ZNF117: variants seen among roughly 807,000 people sequenced by gnomAD.
The protein encoded by ZNF117 is zinc finger protein 117, also known as Krueppel-related zinc finger protein.
In ZNF117, 37 loss-of-function variants were observed where a neutral mutation model predicts 41.2. The observed-to-expected ratio is 0.90, with a 90% confidence interval of 0.69 to 1.18. The LOEUF is 1.18. Among genes scored for constraint, ZNF117 ranks in the 50% most tolerant of loss-of-function variants. The probability of loss-of-function intolerance (pLI) is 0.00; values close to 1 mark genes in which losing one functional copy is unlikely to be tolerated. For synonymous variants in ZNF117, 186 were observed against 186.6 expected (o/e 1.00, Z 0.02); for missense variants, 546 against 557.5 (o/e 0.98, Z 0.21).
At chr7:64,989,784 G>GAAT (rs1786223023) in intron 1 of ZNF117, among the ~76,000 whole-genome samples, 163 bp downstream of exon 1, 1 of 151,000 alleles carries the variant, frequency 6.6e-6, no homozygotes, top group Admixed American at 6.6e-5. Context: ...AAAAGAAGAA[G>GAAT]AAGAATAAGC....
rs202044123 is a variant in ZNF117, at chr7:64,978,440, A to T, written c.1131T>A (p.Asn377Lys). 665 of 1,613,482 alleles carry T rather than the reference A, an allele frequency of 4.1e-4. No homozygotes were observed. Among genetic ancestry groups the T allele is most frequent in the Non-Finnish European group, 5.2e-4 (608 of 1,179,738 alleles). The change falls in exon 3 of 3, where the codon AAT becomes AAA. Residue 377 changes from asparagine (N) to lysine (K), a missense_variant. Asn to Lys is a moderately conservative substitution (Grantham distance 94). Transcript: ENST00000620222. ...CTCCAGTATGGATTATCTTATGTGTATTAAGGGCTGAGGACTGGTTAAAGG... is the reference window on the plus strand; with the variant it reads ...CTCCAGTATGGATTATCTTATGTGTTTTAAGGGCTGAGGACTGGTTAAAGG...
upstream of ZNF117, among the ~76,000 whole-genome samples, chr7:64,985,070 G>T (rs546486004): frequency 6.6e-6 from 1 of 152,320 alleles, no homozygotes; most frequent in East Asian, 1.9e-4. Flanking sequence ...GGGATTACAG[G>T]CATGAGCCAC....
rs58009024 is a variant in ZNF117, at chr7:64,989,443, T to TTATATA, written c.-196+498_-196+503dup. On this transcript the variant is annotated intron_variant, in intron 1 of 3. Transcript: ENST00000282869. ...AAAGACTTAAATGTAGAACTTAAAA[T>TTATATA]TATATATATATATATATATATATAT... 3.4e-3 allele frequency among the ~76,000 whole-genome samples: 169 copies of TTATATA among 49,378 alleles called. 1 individual carries two copies. Among genetic ancestry groups the TTATATA allele is most frequent in the Non-Finnish European group, 4.9e-3 (133 of 26,990 alleles). 32.4% of individuals were successfully genotyped at this position (49,378 alleles called of 152,430 possible).
chr7:64,988,327 T>C (rs1253952139), intron 1 of ZNF117, among the ~76,000 whole-genome samples: 1 of 152,048 alleles, frequency 6.6e-6, no homozygotes, highest in Non-Finnish European at 1.5e-5. Flanking sequence ...ATGTGATTCA[T>C]TACAAAAACA....
At chr7:64,984,254 C>T (rs915025616), upstream of ZNF117, among the ~76,000 whole-genome samples, 4 of 152,146 alleles carry the variant, frequency 2.6e-5, no homozygotes, top group African/African-American at 9.7e-5. Context: ...GCCTCAGCGT[C>T]CAGAGTAGCT....
chr7:64,977,749 T>G lies in ZNF117; in HGVS notation c.*370A>C, dbSNP rs376149050. On this transcript the variant is annotated 3_prime_UTR_variant, in exon 3 of 3. Transcript: ENST00000620222. ...TCACATTTATATGGTTTCTCTCCAG[T>G]ATGAATTATTTTATGTGTAGTAAGA... The G allele has an allele frequency of 5.6e-6, 5 of 892,196 alleles. No homozygotes were observed. The South Asian group carries it at 6.5e-5, about 12-fold the overall frequency. 55.3% of individuals were successfully genotyped at this position (892,196 alleles called of 1,614,324 possible). A position where few individuals can be genotyped will look rare whatever the true frequency, so the allele number is the denominator to read the frequency against.
chr7:64,977,270 G>A (rs10949955), exon 3 of ZNF117: 157,811 of 411,832 alleles, frequency 0.38, 30,877 homozygotes, highest in South Asian at 0.42. Flanking sequence ...GGTCTGTAAG[G>A]TTTGAAGATC....
chr7:64,984,558 T>C (rs552253043), upstream of ZNF117, among the ~76,000 whole-genome samples: 2 of 152,344 alleles, frequency 1.3e-5, no homozygotes, highest in South Asian at 2.1e-4. Context: ...AGTGAAATGA[T>C]AGACACTAAA....
upstream of ZNF117, among the ~76,000 whole-genome samples, chr7:64,985,804 CAAAAAATTAGCCAGGTG>C (rs1786120858): frequency 6.6e-6 from 1 of 151,616 alleles, no homozygotes. Flanking sequence ...ACTGAAGATA[CAAAAAATTAGCCAGGTG>C]TGGTGGTGTG....
At chr7:64,977,974 C>T in exon 3 of ZNF117, 2 of 1,260,300 alleles carry the variant, frequency 1.6e-6, no homozygotes, top group East Asian at 2.4e-5. Flanking sequence ...TTGTCACATT[C>T]ATCACATTTG....
chr7:64,976,843 GT>G (rs1785898179), exon 3 of ZNF117: 1 of 431,022 alleles, frequency 2.3e-6, no homozygotes, highest in Non-Finnish European at 4.7e-6. Context: ...ATTTTCTTAT[GT>G]TTAGTAAAGT....
At chr7:64,990,987 AAGTAGCTC>A in exon 1 of ZNF117, 1 of 406,836 alleles carries the variant, frequency 2.5e-6, no homozygotes, top group Non-Finnish European at 4.4e-6. Context: ...CTTCAAGAGG[AAGTAGCTC>A]TTTTCTTGGC....
chr7:64,989,472 T>C (rs1291480751), intron 1 of ZNF117, among the ~76,000 whole-genome samples: 2 of 112,018 alleles, frequency 1.8e-5, no homozygotes, highest in African/African-American at 3.5e-5. Flanking sequence ...TATATATATA[T>C]ATATATATAT....
intron 2 of ZNF117, chr7:64,981,129 G>A: frequency 2.3e-6 from 1 of 431,174 alleles, no homozygotes; most frequent in East Asian, 4.7e-5. Context: ...AGATTGTGCA[G>A]TCTTTTATAT....
At chr7:64,972,087 A>T (rs1270101960), downstream of ZNF117, 3 of 152,064 alleles carry the variant, frequency 2.0e-5, no homozygotes, top group Non-Finnish European at 4.4e-5. Flanking sequence ...CTCAATATCA[A>T]CTATAATCAG....
exon 3 of ZNF117, chr7:64,977,971 A>G: frequency 8.0e-7 from 1 of 1,256,330 alleles, no homozygotes; most frequent in Non-Finnish European, 1.1e-6. Context: ...GCTTTGTCAC[A>G]TTCATCACAT....
chr7:64,989,146 T>TACACAA (rs1554299855), intron 1 of ZNF117, among the ~76,000 whole-genome samples: 1 of 148,512 alleles, frequency 6.7e-6, no homozygotes, highest in African/African-American at 2.5e-5. Flanking sequence ...AGGCAATGTA[T>TACACAA]ACACACACAC....
At chr7:64,978,487 T>C in exon 3 of ZNF117, 1 of 1,613,530 alleles carries the variant, frequency 6.2e-7, no homozygotes, top group Non-Finnish European at 8.5e-7. Flanking sequence ...TCTCCACATT[T>C]GTAGGGTTTC....
chr7:64,987,503 G>A, intron 1 of ZNF117, among the ~76,000 whole-genome samples: 1 of 152,106 alleles, frequency 6.6e-6, no homozygotes, highest in Non-Finnish European at 1.5e-5. Context: ...AAATCCAGGA[G>A]TTAAATCTTT....
Sources: allele counts gnomAD v4.1 joint callset (sites outside exome capture counted in the v4.1 genomes callset), GRCh38; gene constraint gnomAD v4.1.1; transcripts MANE v1.5; gene names NCBI Gene and HGNC (gene_info 2026-07-23, HGNC 2026-07-21).